The following MDGA2 variants were observed in gnomAD, a reference collection of about 807,000 sequenced individuals.
The protein encoded by MDGA2 is MAM domain-containing glycosylphosphatidylinositol anchor protein 2.
Under a neutral mutation model 117.8 loss-of-function variants are expected in MDGA2, and 40 were observed. The observed-to-expected ratio is 0.34, with a 90% CI of 0.26 to 0.44. MDGA2 has a LOEUF of 0.44. MDGA2 is among the 20% of genes least tolerant of loss of function. The probability of loss-of-function intolerance (pLI) is 1.00; values close to 1 mark genes in which losing one functional copy is unlikely to be tolerated. For synonymous variants in MDGA2, 452 were observed against 439.0 expected, an observed-to-expected ratio of 1.03 and a Z score of -0.37; for missense variants, 1,123 against 1,250.6, an observed-to-expected ratio of 0.90 and a Z score of 1.54.
At chr14:47,335,968 T>A (rs1338206167) in intron 1 of MDGA2, among the ~76,000 whole-genome samples, 1 of 151,274 alleles carries the variant, frequency 6.6e-6, no homozygotes, top group Non-Finnish European at 1.5e-5. Context: ...TTGTTCAAAT[T>A]TCAATACAAA....
At position 47,411,735 on chromosome 14, in the gene MDGA2, G is replaced by T. The variant is rs1044490553; in HGVS notation, c.281-110185C>A. 5.9e-5 allele frequency among the ~76,000 whole-genome samples: 9 copies of T among 152,114 alleles called. No homozygotes were observed. The East Asian group carries it at 7.7e-4, about 13-fold the overall frequency. On this transcript the variant is annotated intron_variant, in intron 1 of 16. Coordinates refer to ENST00000399232, the MANE Select transcript of MDGA2 (RefSeq NM_001113498.3). ...TAAAGCAGGCAGCTCACAGCCATCT[G>T]CTCTACTGGTCTGTCAAATTCACAA... is the stretch of plus-strand genomic sequence containing the variant.
chr14:46,973,636 C>T (rs925077329), intron 8 of MDGA2, among the ~76,000 whole-genome samples: 2 of 152,024 alleles, frequency 1.3e-5, no homozygotes, highest in Admixed American at 6.6e-5. Context: ...ATCAGTGAAA[C>T]GTAGGCAGCT....
chr14:47,137,291 A>G (rs1472724198), intron 4 of MDGA2, among the ~76,000 whole-genome samples: 1 of 152,152 alleles, frequency 6.6e-6, no homozygotes, highest in Non-Finnish European at 1.5e-5. Context: ...CACAGCAACA[A>G]AATTGGCATA....
At chr14:47,059,295 A>G in intron 7 of MDGA2, 1 of 1,263,094 alleles carries the variant, frequency 7.9e-7, no homozygotes. Flanking sequence ...TGGAGAAACC[A>G]CATCTATCTG....
chr14:47,233,603 G>A (rs914040230), intron 2 of MDGA2, among the ~76,000 whole-genome samples: 59 of 152,196 alleles, frequency 3.9e-4, no homozygotes, highest in African/African-American at 1.3e-3. Flanking sequence ...CAAGATGGCA[G>A]AGGGAGAATA....
At chr14:47,538,835 C>A (rs1280364310) in intron 1 of MDGA2, among the ~76,000 whole-genome samples, 2 of 152,088 alleles carry the variant, frequency 1.3e-5, no homozygotes, top group South Asian at 2.1e-4. Flanking sequence ...GTGATACACA[C>A]GTATGCATAC....
chr14:47,536,848 T>C (rs1012201396), intron 1 of MDGA2, among the ~76,000 whole-genome samples: 2 of 152,268 alleles, frequency 1.3e-5, no homozygotes, highest in South Asian at 2.1e-4. Context: ...ATAGTTTTAA[T>C]AGCTAAGCAT....
intron 1 of MDGA2, among the ~76,000 whole-genome samples, chr14:47,495,648 C>T (rs1594886451): frequency 6.6e-6 from 1 of 152,270 alleles, no homozygotes; most frequent in Non-Finnish European, 1.5e-5. Context: ...ATGTGATAGA[C>T]CTACCTTCAA....
chr14:47,338,413 T>G (rs139155754), intron 1 of MDGA2, among the ~76,000 whole-genome samples: 3 of 151,016 alleles, frequency 2.0e-5, no homozygotes, highest in Non-Finnish European at 4.4e-5. Flanking sequence ...TATCATGGGC[T>G]ATAATGTCCT....
intron 1 of MDGA2, among the ~76,000 whole-genome samples, chr14:47,646,332 C>T (rs2138258673): frequency 6.6e-6 from 1 of 151,990 alleles, no homozygotes; most frequent in South Asian, 2.1e-4. Context: ...TATATACATA[C>T]ACATATACAC....
intron 2 of MDGA2, among the ~76,000 whole-genome samples, chr14:47,255,523 A>T (rs1293451672): frequency 1.3e-5 from 2 of 152,188 alleles, no homozygotes; most frequent in East Asian, 3.9e-4. Flanking sequence ...TTCAAAATTT[A>T]TATGCAACTA....
rs1227730962 is a variant in MDGA2, at chr14:47,106,529, G to A, written c.926-9406C>T. Among the ~76,000 whole-genome samples, 162 of 150,756 alleles carry A rather than the reference G, an allele frequency of 1.1e-3. 2 individuals are homozygous for A. Among genetic ancestry groups the A allele is most frequent in the African/African-American group, 3.9e-3 (157 of 40,382 alleles). On this transcript the variant is annotated intron_variant, in intron 5 of 16. Transcript: ENST00000399232. ...ATTCCTCCTAAGCCGCGTCCCATCT[G>A]TGCGGGACCCCACTGAAAATCGGAC... is the stretch of plus-strand genomic sequence containing the variant.
intron 1 of MDGA2, among the ~76,000 whole-genome samples, chr14:47,626,851 T>C (rs1447845838): frequency 6.6e-6 from 1 of 152,306 alleles, no homozygotes; most frequent in African/African-American, 2.4e-5. Flanking sequence ...CGCCCCCTGC[T>C]CCACAGCGCC....
At chr14:47,671,391 A>AG (rs1418421182) in intron 1 of MDGA2, among the ~76,000 whole-genome samples, 1 of 152,216 alleles carries the variant, frequency 6.6e-6, no homozygotes, top group Non-Finnish European at 1.5e-5. Context: ...TCACTAAAAA[A>AG]CAGAATCTGA....
At chr14:46,976,491 T>C (rs1183744468) in intron 8 of MDGA2, among the ~76,000 whole-genome samples, 1 of 152,052 alleles carries the variant, frequency 6.6e-6, no homozygotes, top group African/African-American at 2.4e-5. Flanking sequence ...TGGTTAGAGC[T>C]GTTTTTTCTA....
intron 4 of MDGA2, among the ~76,000 whole-genome samples, chr14:47,142,498 GA>G (rs994616340): frequency 1.9e-4 from 29 of 152,076 alleles, no homozygotes; most frequent in African/African-American, 6.7e-4. Context: ...GCCATATAGA[GA>G]AAAGATGTTT....
chr14:47,606,652 G>C (rs1229553898), intron 1 of MDGA2, among the ~76,000 whole-genome samples: 4 of 151,978 alleles, frequency 2.6e-5, no homozygotes, highest in African/African-American at 9.7e-5. Flanking sequence ...ATATTACTTT[G>C]AAAATGCACC....
chr14:46,918,787 G>GTTTT (rs1884004630), intron 10 of MDGA2, among the ~76,000 whole-genome samples: 3 of 125,098 alleles, frequency 2.4e-5, no homozygotes, highest in African/African-American at 7.4e-5. Context: ...TGGAATCGGA[G>GTTTT]TCTTTTTCTG....
At chr14:47,284,081 A>C (rs1888590353) in intron 2 of MDGA2, among the ~76,000 whole-genome samples, 1 of 152,212 alleles carries the variant, frequency 6.6e-6, no homozygotes, top group Non-Finnish European at 1.5e-5. Flanking sequence ...TAGTCTGCAT[A>C]TTCATGAAAT....
Sources: allele counts gnomAD v4.1 joint callset (sites outside exome capture counted in the v4.1 genomes callset), GRCh38; gene constraint gnomAD v4.1.1; transcripts MANE v1.5; gene names NCBI Gene and HGNC (gene_info 2026-07-23, HGNC 2026-07-21).